The following DCC variants were observed in gnomAD, a reference collection of about 807,000 sequenced individuals.
DCC encodes the protein DCC netrin 1 receptor.
DCC carries 58 observed loss-of-function variants against 172.5 expected under a neutral mutation model. That is an observed-to-expected ratio of 0.34 (90% CI 0.27 to 0.42). The LOEUF (loss-of-function observed/expected upper bound fraction) is 0.42. Ranked by LOEUF, DCC falls within the 10% of genes least tolerant of loss-of-function variation. The pLI, the probability that DCC is intolerant of heterozygous loss-of-function variation, is 1.00. For synonymous variants in DCC, 709 were observed against 644.5 expected, an observed-to-expected ratio of 1.10 and a Z score of -1.52; for missense variants, 1,740 against 1,791.0, an observed-to-expected ratio of 0.97 and a Z score of 0.51.
chr18:53,073,799 C>A (rs960997550), intron 7 of DCC, among the ~76,000 whole-genome samples: 1 of 151,510 alleles, frequency 6.6e-6, no homozygotes, highest in Non-Finnish European at 1.5e-5. Context: ...AGACGTAAAA[C>A]CAGAAGTATT....
chr18:52,350,458 G>A (rs944424336), intron 1 of DCC, among the ~76,000 whole-genome samples: 1 of 152,084 alleles, frequency 6.6e-6, no homozygotes, highest in African/African-American at 2.4e-5. Context: ...TCACTCATAA[G>A]TGGGAGGTGA....
chr18:53,073,956 T>C (rs2042689701), intron 7 of DCC, among the ~76,000 whole-genome samples: 1 of 151,760 alleles, frequency 6.6e-6, no homozygotes, highest in Non-Finnish European at 1.5e-5. Context: ...ACATGTTGAT[T>C]CTGACATACT....
chr18:53,112,202 C>T (rs568469592), intron 7 of DCC, among the ~76,000 whole-genome samples: 14 of 151,362 alleles, frequency 9.2e-5, no homozygotes, highest in African/African-American at 1.9e-4. Flanking sequence ...ATAAAAACAC[C>T]GCTAACATTG....
intron 1 of DCC, among the ~76,000 whole-genome samples, chr18:52,697,004 G>A (rs1032065840): frequency 1.2e-4 from 18 of 152,198 alleles, no homozygotes; most frequent in Admixed American, 9.2e-4. Context: ...GATATTTACC[G>A]AAAGTAACAT....
chr18:53,354,095 C>T (rs9953404), intron 15 of DCC, among the ~76,000 whole-genome samples: 146,746 of 152,248 alleles, frequency 0.96, 70,955 homozygotes, highest in Middle Eastern at 1. Context: ...CATGAACTCA[C>T]CCTTTTTTAT....
intron 9 of DCC, among the ~76,000 whole-genome samples, chr18:53,190,477 T>A (rs1372061634): frequency 7.7e-6 from 1 of 130,602 alleles, no homozygotes; most frequent in East Asian, 2.5e-4. Flanking sequence ...TGTGTGTGTG[T>A]GTGTGTGTGT....
intron 12 of DCC, among the ~76,000 whole-genome samples, chr18:53,286,958 C>T (rs1233172258): frequency 1.3e-5 from 2 of 151,946 alleles, no homozygotes; most frequent in African/African-American, 4.8e-5. Flanking sequence ...TATTGGGACT[C>T]ATTATACTAT....
At chr18:53,362,916 G>A (rs1366426770) in intron 15 of DCC, among the ~76,000 whole-genome samples, 1 of 152,104 alleles carries the variant, frequency 6.6e-6, no homozygotes, top group African/African-American at 2.4e-5. Context: ...TAATGGTAAT[G>A]AATAACACTT....
At position 52,665,874 on chromosome 18, in the gene DCC, C is replaced by A. The variant is rs558127535; in HGVS notation, c.92-86180C>A. Among the ~76,000 whole-genome samples the A allele has an allele frequency of 3.1e-3, 469 of 152,320 alleles. 1 individual carries two copies. The highest frequency in any genetic ancestry group is 5.3e-3 in the Non-Finnish European group (358 of 68,032). On this transcript the variant is annotated intron_variant, in intron 1 of 28. Transcript: ENST00000442544. ...TTATCAAAGGAATCTAGAGTTCAAT[C>A]ATTTGCCTTGTTTCTCAGAGGTTCA...
At chr18:52,579,546 G>T (rs1022835431) in intron 1 of DCC, among the ~76,000 whole-genome samples, 1 of 152,156 alleles carries the variant, frequency 6.6e-6, no homozygotes, top group African/African-American at 2.4e-5. Context: ...ATGTGTGTGT[G>T]TGTGCTTCTG....
At chr18:53,294,014 A>T (rs372339301) in intron 12 of DCC, among the ~76,000 whole-genome samples, 1 of 152,136 alleles carries the variant, frequency 6.6e-6, no homozygotes, top group East Asian at 1.9e-4. Flanking sequence ...TGCTCCTACA[A>T]TGAAGCGGGT....
At chr18:52,472,238 C>T (rs1598845315) in intron 1 of DCC, among the ~76,000 whole-genome samples, 1 of 152,128 alleles carries the variant, frequency 6.6e-6, no homozygotes, top group East Asian at 1.9e-4. Context: ...TCCTACCACC[C>T]TCTCCCCTTC....
chr18:53,177,473 C>T (rs2055122589), intron 8 of DCC, among the ~76,000 whole-genome samples: 2 of 152,120 alleles, frequency 1.3e-5, no homozygotes. Context: ...AACAAATAAG[C>T]CCTAAAATAT....
At chr18:52,752,403 T>A (rs940514324) in intron 2 of DCC, 29 bp downstream of exon 2, 8 of 1,494,478 alleles carry the variant, frequency 5.4e-6, no homozygotes, top group Non-Finnish European at 6.5e-6. Context: ...CTCTTCCTCC[T>A]CCTCCTTCCT....
In DCC at chr18:53,486,971, CCT is replaced by C; in HGVS notation, c.3898+18_3898+19del. The C allele has an allele frequency of 1.2e-6, 2 of 1,614,016 alleles. No homozygotes were observed. The highest frequency in any genetic ancestry group is 2.2e-5 in the East Asian group (1 of 44,872). On this transcript the variant is annotated intron_variant, in intron 26 of 28. Coordinates refer to ENST00000442544, the MANE Select transcript of DCC (RefSeq NM_005215.4). ...GGAAGAAGTCAGTGTAATGCATTTT[CCT>C]CTCTTTTTAATAAGCACAAATGAAT...
At chr18:53,018,803 A>G (rs1033656589) in intron 5 of DCC, among the ~76,000 whole-genome samples, 12 of 152,202 alleles carry the variant, frequency 7.9e-5, no homozygotes, top group African/African-American at 2.9e-4. Flanking sequence ...AGAGATGCTC[A>G]TGACAAAAAC....
At chr18:52,800,581 G>T (rs540420318) in intron 2 of DCC, among the ~76,000 whole-genome samples, 1 of 152,048 alleles carries the variant, frequency 6.6e-6, no homozygotes, top group Admixed American at 6.6e-5. Flanking sequence ...TTGACGGTGA[G>T]GTTAGATGCA....
chr18:53,489,239 C>G lies in DCC; in HGVS notation c.3898+2281C>G, dbSNP rs992986810. Among the ~76,000 whole-genome samples, 5 of 152,152 alleles carry G rather than the reference C, an allele frequency of 3.3e-5. No homozygotes were observed. The East Asian group carries it at 5.8e-4, about 18-fold the overall frequency. On this transcript the variant is annotated intron_variant, in intron 26 of 28. Coordinates refer to ENST00000442544, the MANE Select transcript of DCC (RefSeq NM_005215.4). ...TGTTCTACTCCTGCCCAAGATTTTA[C>G]AGATTTTTAAAATAAATACATCTTC... is the stretch of plus-strand genomic sequence containing the variant.
intron 2 of DCC, among the ~76,000 whole-genome samples, chr18:52,788,303 T>A (rs1179260320): frequency 6.6e-6 from 1 of 152,172 alleles, no homozygotes; most frequent in Non-Finnish European, 1.5e-5. Flanking sequence ...GTTAACTCTT[T>A]GCAACTTTTA....
Sources: allele counts gnomAD v4.1 joint callset (sites outside exome capture counted in the v4.1 genomes callset), GRCh38; gene constraint gnomAD v4.1.1; transcripts MANE v1.5; gene names NCBI Gene and HGNC (gene_info 2026-07-23, HGNC 2026-07-21).